PDE10A: variants seen among roughly 807,000 people sequenced by gnomAD.
The protein encoded by PDE10A is phosphodiesterase 10A, also known as cAMP and cAMP-inhibited cGMP 3',5'-cyclic phosphodiesterase 10A.
Under a neutral mutation model 97.7 loss-of-function variants are expected in PDE10A, and 39 were observed. The observed-to-expected ratio is 0.40, with a 90% CI of 0.31 to 0.52. The LOEUF (loss-of-function observed/expected upper bound fraction) is 0.52. PDE10A is among the 20% of genes least tolerant of loss of function. The probability of loss-of-function intolerance (pLI) is 0.56; values close to 1 mark genes in which losing one functional copy is unlikely to be tolerated. For synonymous variants in PDE10A, 371 were observed against 376.8 expected (o/e 0.98, Z 0.18); for missense variants, 731 against 1,047.8 (o/e 0.70, Z 4.17).
chr6:165,432,790 C>T (rs1262775583), intron 7 of PDE10A, among the ~76,000 whole-genome samples, 184 bp downstream of exon 7: 2 of 152,140 alleles, frequency 1.3e-5, no homozygotes, highest in Non-Finnish European at 2.9e-5. Flanking sequence ...TAACCTGTTT[C>T]CTCTCTAAAC....
intron 5 of PDE10A, among the ~76,000 whole-genome samples, chr6:165,442,376 G>A (rs376297892): frequency 9.2e-5 from 14 of 152,094 alleles, no homozygotes; most frequent in African/African-American, 2.9e-4. Context: ...TCCCACCTAT[G>A]AGTGAGAACA....
At chr6:165,778,870 G>T (rs1369555097) in intron 1 of PDE10A, among the ~76,000 whole-genome samples, 1 of 151,910 alleles carries the variant, frequency 6.6e-6, no homozygotes, top group Non-Finnish European at 1.5e-5. Flanking sequence ...AAATTAGATT[G>T]TCTTTTTTAG....
intron 1 of PDE10A, among the ~76,000 whole-genome samples, chr6:165,643,662 A>C (rs1789252537): frequency 6.6e-6 from 1 of 152,196 alleles, no homozygotes; most frequent in African/African-American, 2.4e-5. Flanking sequence ...TGAAGTAGAG[A>C]ACAGAACGGT....
intron 1 of PDE10A, among the ~76,000 whole-genome samples, chr6:165,751,429 T>C (rs1043193383): frequency 6.6e-6 from 1 of 152,142 alleles, no homozygotes; most frequent in Non-Finnish European, 1.5e-5. Context: ...GGAGCACCCC[T>C]TTGAGATGAG....
intron 1 of PDE10A, among the ~76,000 whole-genome samples, chr6:165,916,740 A>G (rs576721075): frequency 3.1e-4 from 47 of 152,318 alleles, no homozygotes; most frequent in African/African-American, 1.1e-3. Context: ...CAAAAAACGG[A>G]TTCCTTTTGG....
intron 10 of PDE10A, among the ~76,000 whole-genome samples, chr6:165,426,373 A>T (rs190171413): frequency 1.3e-5 from 2 of 152,266 alleles, no homozygotes; most frequent in African/African-American, 4.8e-5. Flanking sequence ...GTCCAGAAAG[A>T]AAATGGCATT....
At chr6:165,920,108 AT>A (rs965794710) in intron 1 of PDE10A, among the ~76,000 whole-genome samples, 2 of 152,312 alleles carry the variant, frequency 1.3e-5, no homozygotes, top group East Asian at 1.9e-4. Flanking sequence ...CTGGTTACAA[AT>A]TTTTTTGGAT....
intron 1 of PDE10A, among the ~76,000 whole-genome samples, chr6:165,926,201 GA>G (rs1782931081): frequency 6.6e-6 from 1 of 152,042 alleles, no homozygotes; most frequent in Admixed American, 6.5e-5. Flanking sequence ...TGCCATCTTT[GA>G]TTTCTTCTGC....
intron 1 of PDE10A, among the ~76,000 whole-genome samples, chr6:165,945,811 T>C (rs1295653203): frequency 6.6e-6 from 1 of 152,224 alleles, no homozygotes; most frequent in Non-Finnish European, 1.5e-5. Flanking sequence ...GTCATCTAGT[T>C]CTCTATATAC....
intron 2 of PDE10A, among the ~76,000 whole-genome samples, chr6:165,538,303 A>C (rs1359642241): frequency 1.3e-5 from 2 of 152,012 alleles, no homozygotes; most frequent in African/African-American, 4.8e-5. Context: ...AGGCAGCACA[A>C]ATATTTTCAT....
At chr6:165,900,028 C>T (rs1782060339) in intron 1 of PDE10A, among the ~76,000 whole-genome samples, 1 of 152,174 alleles carries the variant, frequency 6.6e-6, no homozygotes. Flanking sequence ...GCCATGAGGC[C>T]ACGGGAGGCA....
intron 1 of PDE10A, among the ~76,000 whole-genome samples, chr6:165,908,632 T>A (rs1215029603): frequency 6.6e-6 from 1 of 152,142 alleles, no homozygotes; most frequent in Non-Finnish European, 1.5e-5. Context: ...TGTTGTATTG[T>A]CAGAGGAGTG....
chr6:165,386,214 T>C (rs59400673), intron 17 of PDE10A, among the ~76,000 whole-genome samples: 31,860 of 152,080 alleles, frequency 0.21, 4,266 homozygotes, highest in African/African-American at 0.37. Flanking sequence ...TGGCAGCAAC[T>C]GGGCCAAGTC....
At chr6:165,421,267 C>A (rs1029407361) in intron 10 of PDE10A, among the ~76,000 whole-genome samples, 3 of 152,124 alleles carry the variant, frequency 2.0e-5, no homozygotes, top group Admixed American at 1.3e-4. Flanking sequence ...CATGGCGAGA[C>A]CCCTTCTCTA....
chr6:165,980,638 C>T (rs544538949), intron 1 of PDE10A, among the ~76,000 whole-genome samples: 1 of 152,150 alleles, frequency 6.6e-6, no homozygotes, highest in Non-Finnish European at 1.5e-5. Flanking sequence ...TGCATGTGCT[C>T]AGGAAATTTC....
chr6:165,473,522 A>G (rs1207784909), intron 3 of PDE10A, among the ~76,000 whole-genome samples: 1 of 152,186 alleles, frequency 6.6e-6, no homozygotes, highest in Non-Finnish European at 1.5e-5. Context: ...TATACAGAAT[A>G]ACAACAAGGG....
chr6:165,719,785 A>G (rs1490542343), intron 1 of PDE10A, among the ~76,000 whole-genome samples: 1 of 152,250 alleles, frequency 6.6e-6, no homozygotes, highest in Non-Finnish European at 1.5e-5. Flanking sequence ...AAAAATAGGT[A>G]TAACTAAAAA....
chr6:165,823,223 T>C (rs1307123730), intron 1 of PDE10A, among the ~76,000 whole-genome samples: 2 of 151,156 alleles, frequency 1.3e-5, no homozygotes, highest in African/African-American at 2.4e-5. Context: ...ATATTTTCTT[T>C]CTTTGTATTC....
intron 1 of PDE10A, among the ~76,000 whole-genome samples, chr6:165,627,666 C>T (rs111463930): frequency 1.4e-3 from 217 of 152,326 alleles, no homozygotes; most frequent in African/African-American, 4.8e-3. Flanking sequence ...AAACACCACA[C>T]AAAACACCCA....
Sources: gnomAD v4.1 joint callset for allele counts (sites outside exome capture counted in the v4.1 genomes callset) on GRCh38, gnomAD v4.1.1 for gene constraint, MANE v1.5 for transcripts, NCBI Gene and HGNC (gene_info 2026-07-23, HGNC 2026-07-21) for gene names.